Variants in SRGAP3 observed in about 807,000 individuals in gnomAD.
The protein encoded by SRGAP3 is SLIT-ROBO Rho GTPase activating protein 3, also known as SLIT-ROBO Rho GTPase-activating protein 3.
Under a neutral mutation model 121.1 loss-of-function variants are expected in SRGAP3, and 39 were observed. The observed-to-expected ratio is 0.32, with a 90% CI of 0.25 to 0.42. The LOEUF (loss-of-function observed/expected upper bound fraction) is 0.42. Among genes scored for constraint, SRGAP3 ranks in the 10% least tolerant of loss-of-function variants. The pLI, the probability that SRGAP3 is intolerant of heterozygous loss-of-function variation, is 1.00. For missense variants in SRGAP3, 1,213 were observed against 1,470.6 expected (o/e 0.82, Z 2.86); for synonymous variants, 601 against 570.0 (o/e 1.05, Z -0.77).
chr3:9,284,381 C>T (rs577079499), intron 3 of SRGAP3, among the ~76,000 whole-genome samples: 4 of 152,310 alleles, frequency 2.6e-5, no homozygotes, highest in South Asian at 4.1e-4. Flanking sequence ...TGTTTTACCA[C>T]GTGTGTGTGG....
At chr3:9,152,560 A>C (rs1480315784) in intron 1 of SRGAP3, among the ~76,000 whole-genome samples, 3 of 152,218 alleles carry the variant, frequency 2.0e-5, no homozygotes, top group African/African-American at 7.2e-5. Flanking sequence ...GCAGAGACAG[A>C]GGCTGGAGAG....
At chr3:9,073,772 T>G (rs911989929) in intron 4 of SRGAP3, among the ~76,000 whole-genome samples, 3 of 152,216 alleles carry the variant, frequency 2.0e-5, no homozygotes, top group Non-Finnish European at 4.4e-5. Context: ...AAAATATACC[T>G]ATGAACGCAA....
At chr3:9,255,664 C>G (rs1954116543) in intron 3 of SRGAP3, among the ~76,000 whole-genome samples, 1 of 152,148 alleles carries the variant, frequency 6.6e-6, no homozygotes, top group South Asian at 2.1e-4. Flanking sequence ...CCGAACAATC[C>G]ACATGGCCCC....
At chr3:9,275,962 G>A (rs147785170) in intron 3 of SRGAP3, among the ~76,000 whole-genome samples, 114 of 152,232 alleles carry the variant, frequency 7.5e-4, no homozygotes, top group African/African-American at 2.5e-3. Flanking sequence ...CACTACCAGA[G>A]GCTGAGGCAG....
intron 3 of SRGAP3, among the ~76,000 whole-genome samples, chr3:9,309,338 C>A (rs1175497048): frequency 6.6e-6 from 1 of 152,194 alleles, no homozygotes; most frequent in Non-Finnish European, 1.5e-5. Context: ...GAAGTAGCCT[C>A]TGATCCCTAT....
intron 10 of SRGAP3, among the ~76,000 whole-genome samples, chr3:9,046,182 T>C (rs973343258): frequency 2.0e-5 from 3 of 149,700 alleles, no homozygotes; most frequent in Admixed American, 2.0e-4. Context: ...CAAAGCAGGA[T>C]ATGGAGCTTT....
At chr3:9,057,089 T>C (rs1237072326) in intron 7 of SRGAP3, among the ~76,000 whole-genome samples, 1 of 152,112 alleles carries the variant, frequency 6.6e-6, no homozygotes, top group East Asian at 1.9e-4. Flanking sequence ...TTTTTGTTGT[T>C]GTTGTTGTCG....
At position 9,010,805 on chromosome 3, in the gene SRGAP3, G is replaced by C. The variant is rs184446083; in HGVS notation, c.2148-418C>G. On this transcript the variant is annotated intron_variant, in intron 17 of 21. Transcript: ENST00000383836. ...CTGACTCTCTTGTCTTATAGCTGAG[G>C]TGACATATCCCAGGAGGTAAGATGA... 4.6e-5 allele frequency among the ~76,000 whole-genome samples: 7 copies of C among 152,310 alleles called. No individual in the cohort carries two copies. In the East Asian group the frequency reaches 1.2e-3, roughly 25 times the overall value.
chr3:9,301,911 G>A (rs774954320), intron 3 of SRGAP3, among the ~76,000 whole-genome samples: 1 of 152,206 alleles, frequency 6.6e-6, no homozygotes, highest in Non-Finnish European at 1.5e-5. Flanking sequence ...GCCAATAAAC[G>A]GCAGTTGTTA....
At chr3:9,306,074 G>T (rs1322338832) in intron 3 of SRGAP3, among the ~76,000 whole-genome samples, 1 of 152,026 alleles carries the variant, frequency 6.6e-6, no homozygotes, top group African/African-American at 2.4e-5. Flanking sequence ...TCCATCATCT[G>T]TTGTTTCTTG....
intron 4 of SRGAP3, among the ~76,000 whole-genome samples, chr3:9,079,359 C>T (rs1259002984): frequency 1.3e-5 from 2 of 152,212 alleles, no homozygotes; most frequent in African/African-American, 4.8e-5. Context: ...CTCCTCAAAG[C>T]ACAGTCTGAA....
chr3:8,993,135 G>T (rs1047618293), intron 19 of SRGAP3, 80 bp from the exon 20 acceptor site: 1 of 1,597,912 alleles, frequency 6.3e-7, no homozygotes, highest in African/African-American at 1.3e-5. Flanking sequence ...ATATGTGTCT[G>T]AGGGGCTGAA....
chr3:9,013,192 T>A, intron 17 of SRGAP3, 116 bp downstream of exon 17: 8 of 1,009,994 alleles, frequency 7.9e-6, no homozygotes, highest in Non-Finnish European at 1.2e-5. Context: ...GATGAGAAAA[T>A]GTATATGGAA....
intron 3 of SRGAP3, among the ~76,000 whole-genome samples, chr3:9,316,263 G>C (rs1425486301): frequency 6.6e-6 from 1 of 151,378 alleles, no homozygotes; most frequent in African/African-American, 2.4e-5. Flanking sequence ...TGTCCAGGCT[G>C]GTCTTGAACT....
chr3:9,261,175 G>A (rs1157226412), intron 3 of SRGAP3, among the ~76,000 whole-genome samples: 1 of 152,082 alleles, frequency 6.6e-6, no homozygotes, highest in Non-Finnish European at 1.5e-5. Flanking sequence ...GGACGTCCAC[G>A]CAAAAGCTCC....
intron 3 of SRGAP3, among the ~76,000 whole-genome samples, chr3:9,101,956 G>A (rs1487584363): frequency 6.6e-6 from 1 of 152,232 alleles, no homozygotes; most frequent in Non-Finnish European, 1.5e-5. Flanking sequence ...GGAGAATCAT[G>A]AAAAGGTAAG....
intron 1 of SRGAP3, among the ~76,000 whole-genome samples, chr3:9,172,210 C>T (rs185785341): frequency 1.3e-5 from 2 of 151,546 alleles, no homozygotes; most frequent in Admixed American, 6.6e-5. Flanking sequence ...CCTCCCACTT[C>T]GGCCTCCTGA....
chr3:9,233,554 T>C (rs1574914856), intron 1 of SRGAP3, among the ~76,000 whole-genome samples: 2 of 152,236 alleles, frequency 1.3e-5, no homozygotes, highest in African/African-American at 4.8e-5. Flanking sequence ...GTGTTTCTCT[T>C]AGAAGCACTG....
At chr3:9,326,871 T>C (rs1380615955) in intron 2 of SRGAP3, among the ~76,000 whole-genome samples, 1 of 151,840 alleles carries the variant, frequency 6.6e-6, no homozygotes, top group Non-Finnish European at 1.5e-5. Context: ...TCAAAAATTT[T>C]CTAAAGGAAG....
Sources: allele counts gnomAD v4.1 joint callset (sites outside exome capture counted in the v4.1 genomes callset), GRCh38; gene constraint gnomAD v4.1.1; transcripts MANE v1.5; gene names NCBI Gene and HGNC (gene_info 2026-07-23, HGNC 2026-07-21).